ADAM23: variants seen among roughly 807,000 people sequenced by gnomAD.
ADAM23 encodes the protein disintegrin and metalloproteinase domain-containing protein 23.
A neutral mutation model predicts 120.1 loss-of-function variants in ADAM23; 33 were observed. That is an observed-to-expected ratio of 0.27 (90% CI 0.21 to 0.37). The LOEUF (loss-of-function observed/expected upper bound fraction) is 0.37. ADAM23 is among the 10% of genes least tolerant of loss of function. The pLI is 1.00. For missense variants in ADAM23, 862 were observed against 1,058.2 expected (o/e 0.81, Z 2.57); for synonymous variants, 367 against 375.2 (o/e 0.98, Z 0.25).
chr2:206,619,686 T>A lies in ADAM23; in HGVS notation c.*2059T>A, dbSNP rs571434185. 2.0e-5 allele frequency: 3 copies of A among 152,326 alleles called. No homozygotes were observed. Among genetic ancestry groups the A allele is most frequent in the African/African-American group, 7.2e-5 (3 of 41,572 alleles). The allele number at this position is 152,326 out of a possible 1,614,324, so 9.4% of individuals were successfully genotyped here. On this transcript the variant is annotated 3_prime_UTR_variant, in exon 26 of 26. Transcript: ENST00000264377. Reference sequence around the variant, plus strand: ...CCTAAAAATGCACTGCTTAACACAGTGGGGTTTTTTTCCCCCGAGGTGTCT... The same window carrying A: ...CCTAAAAATGCACTGCTTAACACAGAGGGGTTTTTTTCCCCCGAGGTGTCT...
At chr2:206,536,904 C>A (rs867559381) in intron 4 of ADAM23, among the ~76,000 whole-genome samples, 3 of 151,954 alleles carry the variant, frequency 2.0e-5, no homozygotes, top group South Asian at 2.1e-4. Context: ...CGGGGTGTCA[C>A]CGTGTTGGCC....
chr2:206,452,286 A>G (rs958052274), intron 2 of ADAM23, among the ~76,000 whole-genome samples: 2 of 152,322 alleles, frequency 1.3e-5, no homozygotes, highest in East Asian at 3.9e-4. Flanking sequence ...ATTTTTGGAC[A>G]TTTCATCCTG....
chr2:206,548,578 C>CCTGA (rs1697448607), intron 8 of ADAM23, among the ~76,000 whole-genome samples: 1 of 152,134 alleles, frequency 6.6e-6, no homozygotes, highest in Non-Finnish European at 1.5e-5. Flanking sequence ...GTCTCTGAAC[C>CCTGA]CTGACGTCAT....
At chr2:206,510,785 G>C (rs190092542) in intron 3 of ADAM23, among the ~76,000 whole-genome samples, 25 of 152,270 alleles carry the variant, frequency 1.6e-4, no homozygotes, top group Admixed American at 7.2e-4. Context: ...GTGAGTGTGA[G>C]GCCACCTAGT....
At chr2:206,459,044 G>C (rs1695359247) in intron 2 of ADAM23, among the ~76,000 whole-genome samples, 1 of 152,204 alleles carries the variant, frequency 6.6e-6, no homozygotes, top group African/African-American at 2.4e-5. Context: ...ACCAAGAAGA[G>C]TTAATACACT....
At chr2:206,506,812 A>G (rs1421308871) in intron 3 of ADAM23, among the ~76,000 whole-genome samples, 4 of 152,188 alleles carry the variant, frequency 2.6e-5, no homozygotes, top group Non-Finnish European at 4.4e-5. Context: ...GCAGGTGTGT[A>G]GTCATGTCCC....
In ADAM23 at chr2:206,618,015, A is replaced by G. The variant is rs1698968322; in HGVS notation, c.*388A>G. On this transcript the variant is annotated 3_prime_UTR_variant, in exon 26 of 26. Coordinates refer to ENST00000264377, the MANE Select transcript of ADAM23 (RefSeq NM_003812.4). ...GCTGGCACTTAATATCTTCTAAATGATTTGGCATGATTTTTTTTTCTTTAC... is the reference window on the plus strand; with the variant it reads ...GCTGGCACTTAATATCTTCTAAATGGTTTGGCATGATTTTTTTTTCTTTAC... 6.0e-6 allele frequency: 1 copy of G among 167,386 alleles called. No individual in the cohort carries two copies. The highest frequency in any genetic ancestry group is 2.4e-5 in the African/African-American group (1 of 41,836). The allele number at this position is 167,386 out of a possible 1,614,324, so 10.4% of individuals were successfully genotyped here.
At chr2:206,513,831 A>G (rs564514169) in intron 3 of ADAM23, among the ~76,000 whole-genome samples, 1 of 152,328 alleles carries the variant, frequency 6.6e-6, no homozygotes, top group South Asian at 2.1e-4. Flanking sequence ...CTCATTTAGC[A>G]TTCTGAAAAT....
chr2:206,568,237 T>C (rs1697928683), intron 15 of ADAM23, among the ~76,000 whole-genome samples: 1 of 152,188 alleles, frequency 6.6e-6, no homozygotes, highest in African/African-American at 2.4e-5. Context: ...GTGTTTATAA[T>C]GCATTGTCTC....
intron 3 of ADAM23, among the ~76,000 whole-genome samples, chr2:206,517,586 C>G (rs1696761230): frequency 6.6e-6 from 1 of 152,150 alleles, no homozygotes; most frequent in East Asian, 1.9e-4. Flanking sequence ...TGTCCACAGG[C>G]TGGTATGATC....
intron 2 of ADAM23, among the ~76,000 whole-genome samples, chr2:206,447,616 G>GT (rs1175910830): frequency 1.3e-5 from 2 of 152,222 alleles, no homozygotes; most frequent in Admixed American, 6.5e-5. Flanking sequence ...GCTTTCTGCT[G>GT]TATCTTAGGA....
rs373661314 is a variant in ADAM23, at chr2:206,481,294, C to T, written c.495C>T (p.Asp165=). The part of the protein sequence containing the change: ...IEAFGSKFIL[D]LILNNGLLSS... ...CCTTCGGCTCCAAATTCATTCTTGA[C>T]CTCATACTGAACAAGTGAGTATTTA... Residue 165 remains aspartate (D), a synonymous_variant, in exon 3 of 26, where the codon GAC becomes GAT. Transcript: ENST00000264377. 11 of 1,608,562 alleles carry T rather than the reference C, an allele frequency of 6.8e-6. No homozygotes were observed. In the African/African-American group the frequency reaches 1.5e-4, roughly 22 times the overall value.
At chr2:206,562,175 C>T (rs369053146) in intron 12 of ADAM23, 28 bp from the exon 13 acceptor site, 6 of 1,589,320 alleles carry the variant, frequency 3.8e-6, no homozygotes, top group East Asian at 4.5e-5. Flanking sequence ...TCAAATGTCT[C>T]CCACACACTT....
At chr2:206,469,595 A>C (rs1456314358) in intron 2 of ADAM23, among the ~76,000 whole-genome samples, 3 of 152,212 alleles carry the variant, frequency 2.0e-5, no homozygotes, top group Admixed American at 1.3e-4. Context: ...TAAAAAATGG[A>C]AACCTGATCA....
chr2:206,524,976 G>A (rs1361869591), intron 3 of ADAM23, among the ~76,000 whole-genome samples: 1 of 152,166 alleles, frequency 6.6e-6, no homozygotes, highest in Non-Finnish European at 1.5e-5. Context: ...GACCTTCCAT[G>A]TAGAACTCGA....
chr2:206,495,946 A>G (rs1274668305), intron 3 of ADAM23, among the ~76,000 whole-genome samples: 3 of 152,128 alleles, frequency 2.0e-5, no homozygotes, highest in Non-Finnish European at 2.9e-5. Flanking sequence ...AACAAGAAGA[A>G]CTAACTATCC....
intron 2 of ADAM23, among the ~76,000 whole-genome samples, chr2:206,475,120 G>T (rs1695749609): frequency 6.6e-6 from 1 of 152,000 alleles, no homozygotes; most frequent in African/African-American, 2.4e-5. Context: ...TCTATAAAAG[G>T]GTAATAAAAA....
intron 3 of ADAM23, among the ~76,000 whole-genome samples, chr2:206,513,201 A>G (rs1288324007): frequency 6.6e-6 from 1 of 152,252 alleles, no homozygotes; most frequent in Non-Finnish European, 1.5e-5. Context: ...ATTACTAAGC[A>G]TAGTTTCAAG....
At chr2:206,597,410 C>A (rs941684806) in intron 24 of ADAM23, among the ~76,000 whole-genome samples, 1 of 152,036 alleles carries the variant, frequency 6.6e-6, no homozygotes, top group Non-Finnish European at 1.5e-5. Flanking sequence ...GAACTCATGA[C>A]CTCATAATCC....
Sources: allele counts gnomAD v4.1 joint callset (sites outside exome capture counted in the v4.1 genomes callset), GRCh38; gene constraint gnomAD v4.1.1; transcripts MANE v1.5; gene names NCBI Gene and HGNC (gene_info 2026-07-23, HGNC 2026-07-21).